Variants in SLC25A21 observed in about 807,000 individuals in gnomAD.
SLC25A21 encodes mitochondrial 2-oxodicarboxylate carrier.
In SLC25A21, 47 loss-of-function variants were observed where a neutral mutation model predicts 43.8. The observed-to-expected ratio is 1.07, with a 90% CI of 0.85 to 1.37. The LOEUF (loss-of-function observed/expected upper bound fraction) is 1.37, where lower values mean the gene tolerates loss of function less well. Ranked by LOEUF, SLC25A21 falls within the 40% of genes most tolerant of loss-of-function variation. SLC25A21 has a pLI of 0.00. For missense variants in SLC25A21, 352 were observed against 350.2 expected, an observed-to-expected ratio of 1.00 and a Z score of -0.04; for synonymous variants, 131 against 121.3, an observed-to-expected ratio of 1.08 and a Z score of -0.52.
intron 1 of SLC25A21, among the ~76,000 whole-genome samples, chr14:36,994,327 A>G (rs1960326596): frequency 6.6e-6 from 1 of 152,220 alleles, no homozygotes; most frequent in Non-Finnish European, 1.5e-5. Flanking sequence ...GACAAAAGGT[A>G]TAGAAAAAGG....
chr14:36,678,448 T>C lies in SLC25A21; in HGVS notation c.*2210A>G. 2.0e-6 allele frequency: 3 copies of C among 1,494,774 alleles called. No homozygotes were observed. The highest frequency in any genetic ancestry group is 2.7e-6 in the Non-Finnish European group (3 of 1,108,158). 92.6% of individuals were successfully genotyped at this position (1,494,774 alleles called of 1,614,324 possible). A position where few individuals can be genotyped will look rare whatever the true frequency, so the allele number is the denominator to read the frequency against. On this transcript the variant is annotated 3_prime_UTR_variant, in exon 10 of 10. Transcript: ENST00000331299. Reference sequence around the variant, plus strand: ...TCTCAGGGCCATAGTCTTCCTTTGATCTTGTAAAACTTCCATTGACATCTG... The same window carrying C: ...TCTCAGGGCCATAGTCTTCCTTTGACCTTGTAAAACTTCCATTGACATCTG...
intron 2 of SLC25A21, among the ~76,000 whole-genome samples, chr14:36,868,331 A>T (rs1442225299): frequency 1.3e-5 from 2 of 152,074 alleles, no homozygotes; most frequent in African/African-American, 4.8e-5. Context: ...ATATATACAG[A>T]TGTCTCTGGG....
intron 1 of SLC25A21, among the ~76,000 whole-genome samples, chr14:37,165,426 C>G (rs751263393): frequency 1.3e-5 from 2 of 151,454 alleles, no homozygotes; most frequent in Admixed American, 1.3e-4. Context: ...AAGGATGAAA[C>G]AGCAACCTGG....
intron 3 of SLC25A21, among the ~76,000 whole-genome samples, chr14:36,800,538 T>G (rs1373279404): frequency 1.3e-5 from 2 of 152,070 alleles, no homozygotes; most frequent in Non-Finnish European, 2.9e-5. Flanking sequence ...GTAGTCAAAC[T>G]CATGGAGACT....
chr14:36,951,401 T>C (rs948493297), intron 1 of SLC25A21, among the ~76,000 whole-genome samples: 6 of 152,164 alleles, frequency 3.9e-5, no homozygotes, highest in Admixed American at 2.0e-4. Context: ...ATTTCCACTA[T>C]TTTTTCCACA....
intron 2 of SLC25A21, among the ~76,000 whole-genome samples, chr14:36,858,720 C>G (rs1445749144): frequency 6.6e-6 from 1 of 152,148 alleles, no homozygotes; most frequent in Non-Finnish European, 1.5e-5. Flanking sequence ...CTGACTATCT[C>G]CCTGTACTAC....
chr14:36,866,066 C>A lies in SLC25A21; in HGVS notation c.119+8890G>T, dbSNP rs561108633. Among the ~76,000 whole-genome samples, 3 of 152,254 alleles carry A rather than the reference C, an allele frequency of 2.0e-5. No individual in the cohort carries two copies. In the South Asian group the frequency reaches 6.2e-4, roughly 32 times the overall value. ...TGAGCAGATGTGAAAATGCCCCCCA[C>A]CCCACTTTCTCCCATTCCCCAGCAC... On this transcript the variant is annotated intron_variant, in intron 2 of 9. Transcript: ENST00000331299.
chr14:36,968,368 C>T (rs934555998), intron 1 of SLC25A21, among the ~76,000 whole-genome samples: 2 of 152,142 alleles, frequency 1.3e-5, no homozygotes, highest in African/African-American at 4.8e-5. Flanking sequence ...TCAGTCATTC[C>T]TGACAAGCCC....
At chr14:36,702,008 T>C (rs984119893) in intron 7 of SLC25A21, among the ~76,000 whole-genome samples, 13 of 152,216 alleles carry the variant, frequency 8.5e-5, no homozygotes, top group Admixed American at 7.9e-4. Flanking sequence ...CCTGTGAACT[T>C]CCATACATGA....
chr14:36,875,113 C>A, intron 1 of SLC25A21, 109 bp from the exon 2 acceptor site: 1 of 757,174 alleles, frequency 1.3e-6, no homozygotes. Flanking sequence ...GAACTTGGGA[C>A]TTCGGATATG....
At chr14:37,000,975 T>C (rs946871020) in intron 1 of SLC25A21, among the ~76,000 whole-genome samples, 5 of 152,172 alleles carry the variant, frequency 3.3e-5, no homozygotes, top group Non-Finnish European at 5.9e-5. Context: ...TAGTTCTTTA[T>C]AGCAGTGTGA....
intron 1 of SLC25A21, among the ~76,000 whole-genome samples, chr14:37,143,534 T>G (rs1177147639): frequency 6.6e-6 from 1 of 151,976 alleles, no homozygotes; most frequent in Non-Finnish European, 1.5e-5. Context: ...GTGTAAACAA[T>G]AAAACAGCTG....
At chr14:37,095,389 A>T (rs1011965882) in intron 1 of SLC25A21, among the ~76,000 whole-genome samples, 2 of 152,132 alleles carry the variant, frequency 1.3e-5, no homozygotes, top group Admixed American at 6.5e-5. Flanking sequence ...GTGGTGGCAC[A>T]TGCCTGTAAG....
intron 1 of SLC25A21, among the ~76,000 whole-genome samples, chr14:37,075,942 G>A (rs1255090959): frequency 6.6e-6 from 1 of 152,240 alleles, no homozygotes; most frequent in African/African-American, 2.4e-5. Flanking sequence ...ACAGCTGGAA[G>A]ACAGTTGGTG....
Position 36,750,216 on chromosome 14 carries a change from T to C in SLC25A21, c.204-15643A>G, listed in dbSNP as rs533040924. ...ATTCCTACCAAATGTCCATTTTTTT[T>C]CTGGTTTCTTACCAAAATGGCTAAC... On this transcript the variant is annotated intron_variant, in intron 3 of 9. Transcript: ENST00000331299. Among the ~76,000 whole-genome samples the C allele has an allele frequency of 8.5e-5, 13 of 152,356 alleles. 2 individuals carry two copies. The South Asian group carries it at 2.5e-3, about 29-fold the overall frequency.
chr14:36,683,162 C>T (rs939919914), intron 9 of SLC25A21, among the ~76,000 whole-genome samples: 1 of 152,158 alleles, frequency 6.6e-6, no homozygotes, highest in African/African-American at 2.4e-5. Context: ...AGACTATTTG[C>T]CCTGGCGGTT....
At chr14:37,101,266 A>G (rs1228593298) in intron 1 of SLC25A21, among the ~76,000 whole-genome samples, 3 of 152,130 alleles carry the variant, frequency 2.0e-5, no homozygotes, top group Non-Finnish European at 2.9e-5. Context: ...ATTTTTATTC[A>G]TATTTTTCTT....
chr14:37,165,251 C>T (rs1441231013), intron 1 of SLC25A21, among the ~76,000 whole-genome samples: 1 of 152,018 alleles, frequency 6.6e-6, no homozygotes, highest in African/African-American at 2.4e-5. Context: ...GTGGTGGGTG[C>T]CTATAATCCC....
chr14:36,863,798 G>A (rs544275654), intron 2 of SLC25A21, among the ~76,000 whole-genome samples: 8 of 152,276 alleles, frequency 5.3e-5, no homozygotes, highest in Middle Eastern at 3.4e-3. Flanking sequence ...AGAAGTGGGC[G>A]TGCGTGGAGC....
Sources: allele counts gnomAD v4.1 joint callset (sites outside exome capture counted in the v4.1 genomes callset), GRCh38; gene constraint gnomAD v4.1.1; transcripts MANE v1.5; gene names NCBI Gene and HGNC (gene_info 2026-07-23, HGNC 2026-07-21).